CLNK: variants seen among roughly 807,000 people sequenced by gnomAD.
The protein encoded by CLNK is cytokine-dependent hematopoietic cell linker.
CLNK carries 74 observed loss-of-function variants against 68.6 expected under a neutral mutation model. The observed-to-expected ratio is 1.08, with a 90% CI of 0.89 to 1.31. The LOEUF (loss-of-function observed/expected upper bound fraction) is 1.31. Ranked by LOEUF, CLNK falls within the 50% of genes most tolerant of loss-of-function variation. The pLI is 0.00. For missense variants in CLNK, 553 were observed against 515.3 expected (o/e 1.07, Z -0.71); for synonymous variants, 198 against 172.2 (o/e 1.15, Z -1.17).
the CLNK span, among the ~76,000 whole-genome samples, chr4:10,714,484 G>C: frequency 6.6e-6 from 1 of 152,154 alleles, no homozygotes; most frequent in Admixed American, 6.5e-5. Context: ...ATATGCCATG[G>C]AAAGGAGAAT....
intron 2 of CLNK, among the ~76,000 whole-genome samples, chr4:10,661,609 C>T (rs186969018): frequency 2.6e-4 from 40 of 152,234 alleles, no homozygotes; most frequent in Admixed American, 2.4e-3. Flanking sequence ...CAGTGCCTGG[C>T]GTGTCAGGGA....
At chr4:10,605,165 A>G (rs556092703) in intron 2 of CLNK, among the ~76,000 whole-genome samples, 2 of 152,296 alleles carry the variant, frequency 1.3e-5, no homozygotes, top group East Asian at 3.9e-4. Flanking sequence ...AGCCTGCCCT[A>G]CGGATTTCAA....
intron 2 of CLNK, among the ~76,000 whole-genome samples, chr4:10,657,114 T>C (rs1724019062): frequency 6.6e-6 from 1 of 152,250 alleles, no homozygotes; most frequent in Admixed American, 6.5e-5. Context: ...CTGAGACTTC[T>C]TAACTTTCTC....
At chr4:10,623,675 T>A (rs1247287002) in intron 2 of CLNK, among the ~76,000 whole-genome samples, 1 of 152,266 alleles carries the variant, frequency 6.6e-6, no homozygotes, top group Non-Finnish European at 1.5e-5. Flanking sequence ...ATACTAAGTG[T>A]TAACCACACA....
intron 1 of CLNK, among the ~76,000 whole-genome samples, chr4:10,676,166 G>T (rs1035363533): frequency 1.8e-4 from 27 of 151,814 alleles, no homozygotes; most frequent in African/African-American, 6.3e-4. Context: ...ATATTAATTT[G>T]GTTCCAATTC....
At chr4:10,546,507 C>G (rs145340101) in intron 8 of CLNK, among the ~76,000 whole-genome samples, 16 of 152,162 alleles carry the variant, frequency 1.1e-4, no homozygotes, top group African/African-American at 3.6e-4. Flanking sequence ...ATCAGAATGG[C>G]CTTTACTGTC....
chr4:10,590,739 T>C (rs1721153509), intron 3 of CLNK, among the ~76,000 whole-genome samples: 1 of 152,166 alleles, frequency 6.6e-6, no homozygotes, highest in African/African-American at 2.4e-5. Context: ...ATAATCTAGA[T>C]AAAAACAAGG....
At chr4:10,525,776 A>G in intron 14 of CLNK, 65 bp downstream of exon 14, 1 of 919,984 alleles carries the variant, frequency 1.1e-6, no homozygotes, top group Non-Finnish European at 1.7e-6. Flanking sequence ...GTGATCATTT[A>G]TCTGAGACAG....
the CLNK span, among the ~76,000 whole-genome samples, chr4:10,719,200 A>G: frequency 6.6e-6 from 1 of 152,136 alleles, no homozygotes; most frequent in Non-Finnish European, 1.5e-5. Context: ...CTAACGTATC[A>G]GTAGTCATAC....
At chr4:10,699,285 C>CACACCACGTGT in the CLNK span, among the ~76,000 whole-genome samples, 2 of 46,190 alleles carry the variant, frequency 4.3e-5, no homozygotes, top group African/African-American at 9.3e-5. Context: ...ACACCACATA[C>CACACCACGTGT]GTGTATACAC....
At chr4:10,563,126 A>G (rs1013692325) in intron 7 of CLNK, among the ~76,000 whole-genome samples, 9 of 152,192 alleles carry the variant, frequency 5.9e-5, no homozygotes, top group Non-Finnish European at 1.3e-4. Context: ...GCTTGATAAG[A>G]TTTGTAGTTT....
chr4:10,647,733 T>C (rs558797256), intron 2 of CLNK, among the ~76,000 whole-genome samples: 22 of 152,326 alleles, frequency 1.4e-4, no homozygotes, highest in Middle Eastern at 3.4e-3. Context: ...TTTTGATCAC[T>C]ATTTTACAGA....
intron 3 of CLNK, among the ~76,000 whole-genome samples, chr4:10,595,110 C>T (rs566009436): frequency 6.6e-6 from 1 of 152,080 alleles, no homozygotes. Flanking sequence ...CCAAACCAAA[C>T]CAAAACAAAA....
At chr4:10,667,552 C>T (rs1055340399) in intron 2 of CLNK, among the ~76,000 whole-genome samples, 2 of 152,026 alleles carry the variant, frequency 1.3e-5, no homozygotes, top group African/African-American at 4.8e-5. Context: ...TTTACCTATT[C>T]CTTCACACCC....
chr4:10,528,983 A>G (rs1003514009), intron 12 of CLNK, among the ~76,000 whole-genome samples: 1 of 152,136 alleles, frequency 6.6e-6, no homozygotes, highest in African/African-American at 2.4e-5. Context: ...TTGGGCTTGT[A>G]TCTTTGGGCC....
intron 2 of CLNK, among the ~76,000 whole-genome samples, chr4:10,623,449 T>C (rs1431103295): frequency 6.6e-6 from 1 of 152,220 alleles, no homozygotes; most frequent in Non-Finnish European, 1.5e-5. Context: ...AATCTGACTG[T>C]CTGGCTTCAA....
intron 2 of CLNK, among the ~76,000 whole-genome samples, chr4:10,612,676 G>C (rs1273874954): frequency 6.6e-6 from 1 of 152,162 alleles, no homozygotes; most frequent in Non-Finnish European, 1.5e-5. Flanking sequence ...GTACACAGTT[G>C]ATTTCCCATG....
chr4:10,490,371 A>T lies in CLNK; in HGVS notation c.*96T>A. On this transcript the variant is annotated 3_prime_UTR_variant, in exon 19 of 19. Coordinates refer to ENST00000226951, the MANE Select transcript of CLNK (RefSeq NM_052964.4). ...TTTTTCTTTTCTCCAAAGTTAAAAA[A>T]GTTGTCCCTTGAAGGCACAGAAAAT... 7.6e-7 allele frequency: 1 copy of T among 1,315,478 alleles called. No homozygotes were observed. Among genetic ancestry groups the T allele is most frequent in the Non-Finnish European group, 1.0e-6 (1 of 970,002 alleles). The allele number at this position is 1,315,478 out of a possible 1,614,324, so 81.5% of individuals were successfully genotyped here.
the CLNK span, among the ~76,000 whole-genome samples, chr4:10,722,250 A>G: frequency 0.43 from 66,019 of 151,970 alleles, 15,143 homozygotes; most frequent in East Asian, 0.58. Flanking sequence ...GTGAAGAAGG[A>G]TGTACCAAGT....
Sources: gnomAD v4.1 joint callset for allele counts (sites outside exome capture counted in the v4.1 genomes callset) on GRCh38, gnomAD v4.1.1 for gene constraint, MANE v1.5 for transcripts, NCBI Gene and HGNC (gene_info 2026-07-23, HGNC 2026-07-21) for gene names.